The following PGAP2 variants were observed in gnomAD, a reference collection of about 807,000 sequenced individuals.
PGAP2 encodes the protein acyltransferase PGAP2.
Under a neutral mutation model 33.2 loss-of-function variants are expected in PGAP2, and 21 were observed. The observed-to-expected ratio is 0.63, with a 90% CI of 0.45 to 0.91. The LOEUF is 0.91. Among genes scored for constraint, PGAP2 ranks in the 40% least tolerant of loss-of-function variants. The probability of loss-of-function intolerance (pLI) is 0.00; values close to 1 mark genes in which losing one functional copy is unlikely to be tolerated. For synonymous variants in PGAP2, 161 were observed against 172.9 expected (o/e 0.93, Z 0.54); for missense variants, 345 against 424.0 (o/e 0.81, Z 1.64).
At chr11:3,804,092 AT>A (rs2083930650), upstream of PGAP2, among the ~76,000 whole-genome samples, 1 of 152,036 alleles carries the variant, frequency 6.6e-6, no homozygotes, top group African/African-American at 2.4e-5. Flanking sequence ...TGCCCAGCCC[AT>A]TTTTCCCACT....
intron 1 of PGAP2, among the ~76,000 whole-genome samples, chr11:3,798,288 G>A (rs536067929): frequency 6.6e-6 from 1 of 152,172 alleles, no homozygotes; most frequent in Non-Finnish European, 1.5e-5. Flanking sequence ...GAGGATTGTT[G>A]GAACGTCTTT....
chr11:3,823,629 G>A (rs558422778), intron 3 of PGAP2: 39 of 1,537,472 alleles, frequency 2.5e-5, no homozygotes, highest in East Asian at 1.5e-4. Context: ...TCCAGTCTGC[G>A]GGGGAGATGG....
intron 1 of PGAP2, among the ~76,000 whole-genome samples, chr11:3,802,026 T>C (rs2083525592): frequency 6.6e-6 from 1 of 151,460 alleles, no homozygotes; most frequent in African/African-American, 2.4e-5. Context: ...ATTCTGACAC[T>C]GAAAGAGGAC....
chr11:3,824,971 G>A lies in PGAP2; in HGVS notation c.709-49G>A, dbSNP rs375244705. 4.3e-6 allele frequency: 7 copies of A among 1,611,698 alleles called. 1 individual carries two copies. Among genetic ancestry groups the A allele is most frequent in the South Asian group, 1.1e-5 (1 of 90,832 alleles). On this transcript the variant is annotated intron_variant, in intron 5 of 6. Transcript: ENST00000278243. ...AGTTAGGGCTGAGAGGGGAGCCCACGCTCTCATACCCAGCAAGCTGCAGAG... is the reference window on the plus strand; with the variant it reads ...AGTTAGGGCTGAGAGGGGAGCCCACACTCTCATACCCAGCAAGCTGCAGAG...
intron 3 of PGAP2, chr11:3,822,967 C>T (rs1374032400): frequency 2.0e-6 from 3 of 1,508,870 alleles, no homozygotes; most frequent in Non-Finnish European, 2.7e-6. Flanking sequence ...TGCACAAGAA[C>T]ATGGTCATTT....
chr11:3,822,972 T>C, intron 3 of PGAP2: 1 of 1,531,078 alleles, frequency 6.5e-7, no homozygotes, highest in Non-Finnish European at 8.8e-7. Context: ...AAGAACATGG[T>C]CATTTCCTTA....
intron 3 of PGAP2, chr11:3,817,773 G>A (rs957930868): frequency 1.5e-5 from 10 of 656,756 alleles, no homozygotes; most frequent in African/African-American, 1.1e-4. Context: ...GATGACGGGC[G>A]CAGTGGCTCA....
chr11:3,824,982 C>T (rs2089758842), intron 5 of PGAP2, 38 bp from the exon 6 acceptor site: 2 of 1,613,324 alleles, frequency 1.2e-6, no homozygotes, highest in Non-Finnish European at 1.7e-6. Flanking sequence ...CTCTCATACC[C>T]AGCAAGCTGC....
chr11:3,825,724 A>G lies in PGAP2; in HGVS notation c.*266A>G, dbSNP rs1476757381. The G allele has an allele frequency of 2.4e-5, 3 of 124,136 alleles. No homozygotes were observed. Among genetic ancestry groups the G allele is most frequent in the Non-Finnish European group, 4.3e-5 (3 of 70,068 alleles). 7.7% of individuals were successfully genotyped at this position (124,136 alleles called of 1,614,324 possible). A position where few individuals can be genotyped will look rare whatever the true frequency, so the allele number is the denominator to read the frequency against. ...GCAGAGAGCTCCACCATTTGGTGCT[A>G]AAAAAAAAAACGTCCTGAGGTTCAT... On this transcript the variant is annotated 3_prime_UTR_variant, in exon 7 of 7. Transcript: ENST00000278243.
At chr11:3,809,558 T>G (rs1055937053) in intron 1 of PGAP2, among the ~76,000 whole-genome samples, 2 of 152,154 alleles carry the variant, frequency 1.3e-5, no homozygotes, top group East Asian at 3.8e-4. Flanking sequence ...ATCCTAGTGG[T>G]TCCTCAGGGA....
upstream of PGAP2, among the ~76,000 whole-genome samples, chr11:3,807,197 C>T (rs182738830): frequency 1.2e-4 from 17 of 144,180 alleles, no homozygotes; most frequent in Admixed American, 1.0e-3. Flanking sequence ...ATTAGCTGGG[C>T]GCAGTAGCGG....
intron 1 of PGAP2, chr11:3,798,018 G>C: frequency 5.2e-6 from 8 of 1,534,940 alleles, no homozygotes; most frequent in Non-Finnish European, 7.0e-6. Context: ...CCGGTCCGCC[G>C]GCGCTGCTGG....
At chr11:3,818,059 AAAT>A (rs2087535492) in intron 3 of PGAP2, 2 of 234,510 alleles carry the variant, frequency 8.5e-6, no homozygotes, top group South Asian at 3.1e-5. Flanking sequence ...AAACAAAACA[AAAT>A]AAAAAAAAAA....
upstream of PGAP2, chr11:3,797,736 G>C: frequency 2.3e-6 from 3 of 1,310,962 alleles, no homozygotes; most frequent in Non-Finnish European, 3.1e-6. Flanking sequence ...AGTTCGGGGA[G>C]GCACAGGGTA....
At chr11:3,800,081 G>A (rs142563392) in intron 1 of PGAP2, among the ~76,000 whole-genome samples, 8 of 152,264 alleles carry the variant, frequency 5.3e-5, no homozygotes, top group African/African-American at 1.9e-4. Flanking sequence ...TCAATATATG[G>A]TTGGCCAAAT....
intron 2 of PGAP2, among the ~76,000 whole-genome samples, chr11:3,813,084 T>C (rs17173882): frequency 0.13 from 19,222 of 152,238 alleles, 1,364 homozygotes; most frequent in Middle Eastern, 0.18. Context: ...TTGGGGCTAA[T>C]GTAATCACTC....
exon 1 of PGAP2, chr11:3,797,891 G>C: frequency 1.3e-6 from 2 of 1,549,200 alleles, no homozygotes; most frequent in Non-Finnish European, 1.7e-6. Flanking sequence ...GGGTGGTGAC[G>C]CAACATAGAG....
At chr11:3,799,921 TAC>T (rs1180906421) in intron 1 of PGAP2, among the ~76,000 whole-genome samples, 1 of 152,124 alleles carries the variant, frequency 6.6e-6, no homozygotes, top group African/African-American at 2.4e-5. Flanking sequence ...GAGCTGTGAT[TAC>T]AGTCATGCCA....
intron 2 of PGAP2, among the ~76,000 whole-genome samples, chr11:3,815,377 C>T (rs1230325410): frequency 2.6e-5 from 4 of 151,066 alleles, no homozygotes; most frequent in Non-Finnish European, 5.9e-5. Flanking sequence ...GGCACGATCT[C>T]GGCTTACTGC....
Sources: allele counts gnomAD v4.1 joint callset (sites outside exome capture counted in the v4.1 genomes callset), GRCh38; gene constraint gnomAD v4.1.1; transcripts MANE v1.5; gene names NCBI Gene and HGNC (gene_info 2026-07-23, HGNC 2026-07-21).